DNAH11: variants seen among roughly 807,000 people sequenced by gnomAD.
DNAH11 encodes the protein axonemal beta dynein heavy chain 11.
A neutral mutation model predicts 526.0 loss-of-function variants in DNAH11; 442 were observed. That is an observed-to-expected ratio of 0.84 (90% confidence interval 0.78 to 0.91). The LOEUF (loss-of-function observed/expected upper bound fraction) is 0.91. Among genes scored for constraint, DNAH11 ranks in the 40% least tolerant of loss-of-function variants. DNAH11 has a pLI of 0.00. For synonymous variants in DNAH11, 2,461 were observed against 1,935.9 expected, an observed-to-expected ratio of 1.27 and a Z score of -7.12; for missense variants, 6,989 against 5,448.7, an observed-to-expected ratio of 1.28 and a Z score of -8.90.
At chr7:21,735,030 C>T (rs760551463) in intron 45 of DNAH11, among the ~76,000 whole-genome samples, 3 of 151,688 alleles carry the variant, frequency 2.0e-5, no homozygotes, top group Non-Finnish European at 2.9e-5. Flanking sequence ...ATTAGCCGGG[C>T]GTGGTGGTGC....
At chr7:21,681,483 T>G in intron 30 of DNAH11, 63 bp from the exon 31 acceptor site, 2 of 1,522,032 alleles carry the variant, frequency 1.3e-6, no homozygotes, top group Non-Finnish European at 1.8e-6. Flanking sequence ...TACGAAGAAT[T>G]TGGGGCTCTT....
chr7:21,767,036 C>T (rs1787214278), intron 55 of DNAH11, among the ~76,000 whole-genome samples: 3 of 152,122 alleles, frequency 2.0e-5, no homozygotes, highest in Admixed American at 2.0e-4. Context: ...ACTCTAACAT[C>T]TGGAAAATCA....
chr7:21,586,709 G>C (rs1055126084), intron 9 of DNAH11, among the ~76,000 whole-genome samples: 3 of 152,172 alleles, frequency 2.0e-5, no homozygotes, highest in African/African-American at 7.2e-5. Context: ...TGCTAAACAA[G>C]GCGTGACCTT....
intron 81 of DNAH11, among the ~76,000 whole-genome samples, chr7:21,900,562 C>A (rs1757578657): frequency 6.6e-6 from 1 of 152,174 alleles, no homozygotes; most frequent in African/African-American, 2.4e-5. Context: ...GCAATATTTT[C>A]CAAATTTATC....
At chr7:21,583,396 G>A (rs911060515) in intron 9 of DNAH11, among the ~76,000 whole-genome samples, 5 of 152,054 alleles carry the variant, frequency 3.3e-5, no homozygotes, top group East Asian at 1.9e-4. Flanking sequence ...TGCAGAAAAC[G>A]GAAACTGGAC....
Position 21,881,251 on chromosome 7 carries a change from C to T in DNAH11, c.12387+358C>T, listed in dbSNP as rs183566448. 8.7e-4 allele frequency among the ~76,000 whole-genome samples: 133 copies of T among 152,310 alleles called. 2 individuals are homozygous for T. The East Asian group carries it at 0.018, about 20-fold the overall frequency. On this transcript the variant is annotated intron_variant, in intron 75 of 81. Transcript: ENST00000409508. ...ATGTAATTACATACAGCAATTCTGA[C>T]AGTTCATAACACTGCATTAATAATC... is the stretch of plus-strand genomic sequence containing the variant.
At chr7:21,713,851 T>C (rs527921761) in intron 42 of DNAH11, among the ~76,000 whole-genome samples, 1 of 152,244 alleles carries the variant, frequency 6.6e-6, no homozygotes, top group African/African-American at 2.4e-5. Flanking sequence ...TTTTCAAAAG[T>C]CTTAAATGGA....
intron 69 of DNAH11, among the ~76,000 whole-genome samples, chr7:21,862,927 G>A (rs184216251): frequency 1.6e-3 from 241 of 152,162 alleles, no homozygotes; most frequent in African/African-American, 5.6e-3. Context: ...AGCCAGGCGT[G>A]GTGGCAGGCA....
rs894215700 is a variant in DNAH11 at position 21,554,275 on chromosome 7, G to A, written c.496-4527G>A. On this transcript the variant is annotated intron_variant, in intron 2 of 81. Coordinates refer to ENST00000409508, the MANE Select transcript of DNAH11 (RefSeq NM_001277115.2). ...TGCAACCTCCACCTCCCAGGTTTAAGTGATTCTCCTGCCGCAGCCTCCTGA... is the reference window on the plus strand; with the variant it reads ...TGCAACCTCCACCTCCCAGGTTTAAATGATTCTCCTGCCGCAGCCTCCTGA... 2.7e-5 allele frequency among the ~76,000 whole-genome samples: 4 copies of A among 150,278 alleles called. No individual in the cohort carries two copies. In the Admixed American group the frequency reaches 2.7e-4, roughly 10 times the overall value.
chr7:21,545,145 A>T lies in DNAH11; in HGVS notation c.491A>T (p.Asp164Val), dbSNP rs1342908676. The change falls in exon 2 of 82, where the codon GAT (aspartate) becomes GTT (valine). Residue 164 changes from aspartate (D) to valine (V), a missense_variant. By Grantham distance (152) the Asp-to-Val change is radical. Coordinates refer to ENST00000409508, the MANE Select transcript of DNAH11 (RefSeq NM_001277115.2). ...CTTGGACATGTATCTGCTTTCCTTG[A>T]TGAGGTACTGGTCTGTCTTTAATAT... ...LSLGHVSAFL[D>V]EILVPVLSNK... 1.2e-6 allele frequency: 2 copies of T among 1,608,862 alleles called. No homozygotes were observed. Among genetic ancestry groups the T allele is most frequent in the Admixed American group, 1.7e-5 (1 of 59,410 alleles).
In DNAH11 at chr7:21,606,739, A is replaced by G; in HGVS notation, c.3852+6A>G. ...CATACACAGCGCTTGATAAGGTAAT[A>G]CAGATCTCAAATATCCTGTGTGCAT... On this transcript the variant is annotated splice_donor_region_variant and intron_variant, in intron 20 of 81. Transcript: ENST00000409508. 1 of 1,599,230 alleles carries G rather than the reference A, an allele frequency of 6.3e-7. No homozygotes were observed. The highest frequency in any genetic ancestry group is 8.5e-7 in the Non-Finnish European group (1 of 1,172,026).
intron 5 of DNAH11, 118 bp downstream of exon 5, chr7:21,561,288 C>G (rs950212730): frequency 1.4e-6 from 1 of 703,526 alleles, no homozygotes; most frequent in Non-Finnish European, 2.4e-6. Context: ...TTGCTCATGG[C>G]TCTTCTAATG....
At chr7:21,830,153 CATT>C (rs1474421023) in intron 65 of DNAH11, among the ~76,000 whole-genome samples, 1 of 152,146 alleles carries the variant, frequency 6.6e-6, no homozygotes, top group African/African-American at 2.4e-5. Flanking sequence ...AGACGGTTGT[CATT>C]ATTATAAAAT....
intron 30 of DNAH11, among the ~76,000 whole-genome samples, chr7:21,675,694 G>A (rs745707426): frequency 6.6e-6 from 1 of 152,088 alleles, no homozygotes; most frequent in Non-Finnish European, 1.5e-5. Context: ...TTCCTACAGC[G>A]AGTGTTGATT....
chr7:21,751,789 T>G (rs1786422997), intron 54 of DNAH11, among the ~76,000 whole-genome samples: 1 of 152,188 alleles, frequency 6.6e-6, no homozygotes, highest in Non-Finnish European at 1.5e-5. Context: ...GAACTTAAGA[T>G]TCAGTTGCCC....
In DNAH11 at chr7:21,570,146, T is replaced by G. The variant is rs1344224046; in HGVS notation, c.1272T>G (p.Val424=). The G allele has an allele frequency of 6.2e-7, 1 of 1,613,402 alleles. No homozygotes were observed. Among genetic ancestry groups the G allele is most frequent in the South Asian group, 1.1e-5 (1 of 91,056 alleles). ...CACTGGAAAAGGTGCAGGTGGCTGT[T>G]AACATCTTAAAGACTTTCAAAAACT... is the stretch of plus-strand genomic sequence containing the variant. ...EESLEKVQVA[V]NILKTFKNSF... The change falls in exon 7 of 82, where the codon GTT becomes GTG. Residue 424 remains valine (V), a synonymous_variant. Coordinates refer to ENST00000409508, the MANE Select transcript of DNAH11 (RefSeq NM_001277115.2).
chr7:21,762,367 A>G (rs140439039), intron 54 of DNAH11, among the ~76,000 whole-genome samples: 2 of 152,336 alleles, frequency 1.3e-5, no homozygotes, highest in African/African-American at 4.8e-5. Context: ...TGTAGAAGTG[A>G]TGGAAATATT....
chr7:21,547,541 A>T (rs1056235153), intron 2 of DNAH11, among the ~76,000 whole-genome samples: 14 of 152,168 alleles, frequency 9.2e-5, no homozygotes, highest in Admixed American at 7.2e-4. Flanking sequence ...ACATTGCCTA[A>T]GTTTGCCTGG....
At chr7:21,647,379 T>A (rs1035739330) in intron 28 of DNAH11, among the ~76,000 whole-genome samples, 2 of 151,658 alleles carry the variant, frequency 1.3e-5, no homozygotes, top group Non-Finnish European at 2.9e-5. Flanking sequence ...GACTTCACAT[T>A]GGAAACAAAG....
Sources: gnomAD v4.1 joint callset for allele counts (sites outside exome capture counted in the v4.1 genomes callset) on GRCh38, gnomAD v4.1.1 for gene constraint, MANE v1.5 for transcripts, NCBI Gene and HGNC (gene_info 2026-07-23, HGNC 2026-07-21) for gene names.